MPP7: variants seen among roughly 807,000 people sequenced by gnomAD.
The protein encoded by MPP7 is MAGUK p55 subfamily member 7.
Under a neutral mutation model 76.5 loss-of-function variants are expected in MPP7, and 60 were observed. The ratio of observed to expected loss-of-function variants is 0.78; its 90% CI spans 0.64 to 0.97. MPP7 has a LOEUF of 0.97. Ranked by LOEUF, MPP7 falls within the 50% of genes least tolerant of loss-of-function variation. The pLI, the probability that MPP7 is intolerant of heterozygous loss-of-function variation, is 0.00. For missense variants in MPP7, 641 were observed against 694.0 expected (o/e 0.92, Z 0.86); for synonymous variants, 237 against 244.5 (o/e 0.97, Z 0.29).
In MPP7 at chr10:28,176,669, A is replaced by C. The variant is rs1198040998; in HGVS notation, c.156+25484T>G. ...GGAGAATTGCTGGAACTCAGGAGGCAAAGGTTGCAGTGAGCTGAGATTGTG... is the reference window on the plus strand; with the variant it reads ...GGAGAATTGCTGGAACTCAGGAGGCCAAGGTTGCAGTGAGCTGAGATTGTG... On this transcript the variant is annotated intron_variant, in intron 3 of 16. Coordinates refer to ENST00000683449, the MANE Select transcript of MPP7 (RefSeq NM_001318170.2). 2.6e-5 allele frequency among the ~76,000 whole-genome samples: 4 copies of C among 152,166 alleles called. No individual in the cohort carries two copies. In the South Asian group the frequency reaches 8.3e-4, roughly 32 times the overall value.
intron 3 of MPP7, among the ~76,000 whole-genome samples, chr10:28,193,073 CTAGACA>C (rs1336234530): frequency 6.6e-6 from 1 of 152,186 alleles, no homozygotes; most frequent in African/African-American, 2.4e-5. Context: ...ACATTTTAAT[CTAGACA>C]TAGAACTCAA....
intron 2 of MPP7, among the ~76,000 whole-genome samples, chr10:28,211,375 T>C (rs1317693546): frequency 6.6e-6 from 1 of 152,098 alleles, no homozygotes. Context: ...ATGGTATGTA[T>C]TTTACACACA....
intron 2 of MPP7, among the ~76,000 whole-genome samples, chr10:28,204,305 T>C (rs1837876115): frequency 6.6e-6 from 1 of 152,020 alleles, no homozygotes; most frequent in Admixed American, 6.6e-5. Context: ...TAGCCCAGTG[T>C]GGTGGCACAC....
At chr10:28,164,548 C>T (rs138742260) in intron 3 of MPP7, among the ~76,000 whole-genome samples, 7 of 152,224 alleles carry the variant, frequency 4.6e-5, no homozygotes, top group Non-Finnish European at 1.0e-4. Flanking sequence ...TAAGCGCTCA[C>T]TTATGAATAA....
At chr10:28,109,279 C>T (rs977011160) in intron 11 of MPP7, among the ~76,000 whole-genome samples, 3 of 152,054 alleles carry the variant, frequency 2.0e-5, no homozygotes, top group African/African-American at 7.3e-5. Context: ...CAGAGTGAGA[C>T]TCCATCTCAA....
chr10:28,156,706 T>C (rs1273340200), intron 3 of MPP7, among the ~76,000 whole-genome samples: 1 of 151,682 alleles, frequency 6.6e-6, no homozygotes, highest in Non-Finnish European at 1.5e-5. Flanking sequence ...AAGCTGAGAG[T>C]ATCATAAGGA....
chr10:28,189,537 C>T (rs1203318183), intron 3 of MPP7, among the ~76,000 whole-genome samples: 1 of 133,642 alleles, frequency 7.5e-6, no homozygotes, highest in East Asian at 2.2e-4. Flanking sequence ...CACCACTGCA[C>T]ACCAGCCAGG....
At chr10:28,238,438 T>C in intron 2 of MPP7, 130 bp downstream of exon 2, 1 of 931,470 alleles carries the variant, frequency 1.1e-6, no homozygotes, top group Non-Finnish European at 1.7e-6. Flanking sequence ...GAGTTGATCT[T>C]ATGTCCCTAG....
At chr10:28,149,182 A>G (rs1835801378) in intron 4 of MPP7, among the ~76,000 whole-genome samples, 1 of 152,250 alleles carries the variant, frequency 6.6e-6, no homozygotes, top group East Asian at 1.9e-4. Context: ...TGGATATTTT[A>G]CCACACTGAA....
chr10:28,252,654 C>G (rs1043320792), intron 1 of MPP7, among the ~76,000 whole-genome samples: 2 of 151,446 alleles, frequency 1.3e-5, no homozygotes, highest in African/African-American at 4.9e-5. Context: ...TAACATCATA[C>G]AGAGGCGTTA....
intron 1 of MPP7, among the ~76,000 whole-genome samples, chr10:28,282,365 A>T (rs1235810425): frequency 6.6e-6 from 1 of 152,106 alleles, no homozygotes; most frequent in Non-Finnish European, 1.5e-5. Flanking sequence ...CCACTTAAAA[A>T]TGCTTACAGC....
chr10:28,216,471 A>G (rs1021686347), intron 2 of MPP7, among the ~76,000 whole-genome samples: 4 of 152,234 alleles, frequency 2.6e-5, no homozygotes, highest in South Asian at 2.1e-4. Context: ...TGCACATTCT[A>G]TATCAAAATC....
chr10:28,134,141 T>C (rs1835281930), intron 5 of MPP7, among the ~76,000 whole-genome samples: 1 of 152,218 alleles, frequency 6.6e-6, no homozygotes, highest in Admixed American at 6.5e-5. Flanking sequence ...ATTATACTTC[T>C]ACTAAAAATG....
intron 1 of MPP7, among the ~76,000 whole-genome samples, chr10:28,278,793 T>G (rs563036357): frequency 2.7e-4 from 41 of 150,692 alleles, no homozygotes; most frequent in Non-Finnish European, 2.2e-4. Context: ...TCAAACGTTA[T>G]CCGTAACATT....
chr10:28,263,397 A>G lies in MPP7; in HGVS notation c.-131-24662T>C, dbSNP rs190703862. Among the ~76,000 whole-genome samples, 4 of 152,308 alleles carry G rather than the reference A, an allele frequency of 2.6e-5. No individual in the cohort carries two copies. The East Asian group carries it at 7.7e-4, about 29-fold the overall frequency. On this transcript the variant is annotated intron_variant, in intron 1 of 16. Coordinates refer to ENST00000683449, the MANE Select transcript of MPP7 (RefSeq NM_001318170.2). ...AGAACACGGAAACTGTTCATGTCAA[A>G]TAAAGGAGGTGGGGTATTACAGAAG...
intron 3 of MPP7, among the ~76,000 whole-genome samples, chr10:28,164,553 G>A (rs759305061): frequency 3.3e-5 from 5 of 152,106 alleles, no homozygotes; most frequent in Non-Finnish European, 7.4e-5. Flanking sequence ...GCTCACTTAT[G>A]AATAATGTGT....
chr10:28,158,068 T>A (rs1836128772), intron 3 of MPP7, among the ~76,000 whole-genome samples: 1 of 152,204 alleles, frequency 6.6e-6, no homozygotes, highest in Non-Finnish European at 1.5e-5. Flanking sequence ...TAGTTAGTGA[T>A]AAGTGGACAT....
intron 8 of MPP7, among the ~76,000 whole-genome samples, chr10:28,121,814 A>AG (rs1323046584): frequency 6.8e-6 from 1 of 147,368 alleles, no homozygotes; most frequent in Non-Finnish European, 1.5e-5. Flanking sequence ...CATTTATTTA[A>AG]AAAAAAAAAA....
At chr10:28,203,548 G>C (rs1011588689) in intron 2 of MPP7, among the ~76,000 whole-genome samples, 3 of 148,242 alleles carry the variant, frequency 2.0e-5, no homozygotes, top group Non-Finnish European at 3.0e-5. Context: ...AAGTATTCTT[G>C]GTATTTTACA....
Sources: gnomAD v4.1 joint callset for allele counts (sites outside exome capture counted in the v4.1 genomes callset) on GRCh38, gnomAD v4.1.1 for gene constraint, MANE v1.5 for transcripts, NCBI Gene and HGNC (gene_info 2026-07-23, HGNC 2026-07-21) for gene names.